Variants in VIPAS39 observed in about 807,000 individuals in gnomAD.
VIPAS39 encodes the protein VPS33B interacting protein, apical-basolateral polarity regulator, spe-39 homolog.
Under a neutral mutation model 84.7 loss-of-function variants are expected in VIPAS39, and 63 were observed. That is an observed-to-expected ratio of 0.74 (90% CI 0.61 to 0.92). The LOEUF is 0.92. Ranked by LOEUF, VIPAS39 falls within the 40% of genes least tolerant of loss-of-function variation. The pLI is 0.00. For synonymous variants in VIPAS39, 192 were observed against 216.5 expected (o/e 0.89, Z 0.99); for missense variants, 499 against 604.5 (o/e 0.83, Z 1.83).
At chr14:77,456,841 G>A (rs1180278989) in intron 1 of VIPAS39, among the ~76,000 whole-genome samples, 7 of 152,188 alleles carry the variant, frequency 4.6e-5, no homozygotes, top group African/African-American at 1.7e-4. Flanking sequence ...TACTTGGCAA[G>A]TATAGATAAT....
intron 11 of VIPAS39, among the ~76,000 whole-genome samples, chr14:77,439,890 A>G (rs2078673437): frequency 6.6e-6 from 1 of 152,192 alleles, no homozygotes; most frequent in South Asian, 2.1e-4. Context: ...GTGTTGTACA[A>G]TAACTAAAAA....
chr14:77,456,715 T>A (rs2078966302), intron 1 of VIPAS39, among the ~76,000 whole-genome samples: 2 of 152,234 alleles, frequency 1.3e-5, no homozygotes, highest in South Asian at 4.1e-4. Context: ...AGACATAGAA[T>A]GTGTCTAACA....
rs548578949 is a variant in VIPAS39, at chr14:77,449,606, G to A, written c.382+108C>T. On this transcript the variant is annotated intron_variant, in intron 5 of 19. Transcript: ENST00000557658. ...TCCTCTAATAATGACAGTAGATGCA[G>A]AAGAAAGTTCATCTTGTCATCTAAT... The A allele has an allele frequency of 4.8e-6, 7 of 1,454,292 alleles. No homozygotes were observed. In the East Asian group the frequency reaches 1.4e-4, roughly 28 times the overall value. 90.1% of individuals were successfully genotyped at this position (1,454,292 alleles called of 1,614,324 possible).
chr14:77,427,509 A>C lies in VIPAS39; in HGVS notation c.*107T>G. ...GAGTAGCTGGCACTGCCCATGGGTAATGGGCCCAAGCGATGTGATGCCGCA... is the reference window on the plus strand; with the variant it reads ...GAGTAGCTGGCACTGCCCATGGGTACTGGGCCCAAGCGATGTGATGCCGCA... On this transcript the variant is annotated 3_prime_UTR_variant, in exon 20 of 20. Coordinates refer to ENST00000557658, the MANE Select transcript of VIPAS39 (RefSeq NM_001193315.2). The C allele has an allele frequency of 1.2e-5, 16 of 1,388,252 alleles. No individual in the cohort carries two copies. Among genetic ancestry groups the C allele is most frequent in the Non-Finnish European group, 1.3e-5 (13 of 977,542 alleles). The allele number at this position is 1,388,252 out of a possible 1,614,324, so 86.0% of individuals were successfully genotyped here. A position where few individuals can be genotyped will look rare whatever the true frequency, so the allele number is the denominator to read the frequency against.
At position 77,454,088 on chromosome 14, in the gene VIPAS39, C is replaced by T. The variant is rs768593671; in HGVS notation, c.15G>A (p.Lys5=). 3.1e-5 allele frequency: 50 copies of T among 1,614,052 alleles called. No individual in the cohort carries two copies. In the Middle Eastern group the frequency reaches 4.9e-4, roughly 16 times the overall value. The change falls in exon 2 of 20, where the codon AAG becomes AAA. Residue 5 remains lysine, a synonymous_variant. Transcript: ENST00000557658. ...TGTTCCAATACTCCTCCTCATCACCCTTTGTCCGATTCATCTACAGTGACA... is the reference window on the plus strand; with the variant it reads ...TGTTCCAATACTCCTCCTCATCACCTTTTGTCCGATTCATCTACAGTGACA... The part of the protein sequence containing the change: MNRT[K]GDEEEYWNSS...
chr14:77,428,266 T>C, intron 19 of VIPAS39, 104 bp downstream of exon 19: 1 of 1,017,342 alleles, frequency 9.8e-7, no homozygotes. Flanking sequence ...CCATGTGGCT[T>C]AGCCAACTGC....
intron 16 of VIPAS39, 77 bp downstream of exon 16, chr14:77,433,765 C>T (rs988772865): frequency 4.1e-6 from 6 of 1,450,412 alleles, no homozygotes; most frequent in Non-Finnish European, 5.7e-6. Context: ...AAAATGTAAA[C>T]CGGTAACTAG....
intron 16 of VIPAS39, among the ~76,000 whole-genome samples, chr14:77,431,834 G>T (rs1356294879): frequency 6.6e-6 from 1 of 152,120 alleles, no homozygotes; most frequent in African/African-American, 2.4e-5. Flanking sequence ...TTCATGAAAT[G>T]TAACTATTAT....
intron 11 of VIPAS39, chr14:77,440,593 T>C (rs28599756): frequency 0.17 from 26,887 of 158,312 alleles, 2,595 homozygotes; most frequent in Middle Eastern, 0.28. Context: ...AAAGAGCATA[T>C]AAAAAGAAAG....
intron 16 of VIPAS39, among the ~76,000 whole-genome samples, chr14:77,432,206 T>C (rs1221652001): frequency 3.3e-5 from 5 of 152,150 alleles, no homozygotes; most frequent in African/African-American, 9.7e-5. Context: ...TAACATCTTA[T>C]CGTATAACTT....
At chr14:77,428,747 T>G (rs2078470943) in intron 18 of VIPAS39, among the ~76,000 whole-genome samples, 1 of 152,188 alleles carries the variant, frequency 6.6e-6, no homozygotes, top group South Asian at 2.1e-4. Flanking sequence ...GAGAGAAGAC[T>G]ACACAGCTTG....
In VIPAS39 at chr14:77,427,629, C is replaced by T. The variant is rs1163364424; in HGVS notation, c.1469G>A (p.Arg490Gln). The change falls in exon 20 of 20, where the codon CGA becomes CAA. Residue 490 changes from arginine (R) to glutamine (Q), a missense_variant. By Grantham distance (43) the Arg-to-Gln change is conservative (BLOSUM62 1). Coordinates refer to ENST00000557658, the MANE Select transcript of VIPAS39 (RefSeq NM_001193315.2). ...IDALLSSSQIRWKN is the reference protein window; with the variant it reads ...IDALLSSSQIQWKN ...AGTCAATGCCACTTAATTCTTCCAT[C>T]GAATTTGCTGTGGAAAGAGGAAACA... 1.5e-5 allele frequency: 24 copies of T among 1,614,000 alleles called. 1 individual carries two copies. The highest frequency in any genetic ancestry group is 1.3e-5 in the African/African-American group (1 of 74,908).
chr14:77,434,926 A>T (rs2078583492), intron 14 of VIPAS39, among the ~76,000 whole-genome samples: 1 of 151,892 alleles, frequency 6.6e-6, no homozygotes, highest in African/African-American at 2.4e-5. Flanking sequence ...AAGTATCCAT[A>T]GCTACTTGCC....
chr14:77,448,700 G>A, intron 6 of VIPAS39, 150 bp from the exon 7 acceptor site: 1 of 875,178 alleles, frequency 1.1e-6, no homozygotes, highest in Non-Finnish European at 1.8e-6. Context: ...AAATGGGACG[G>A]TTTTGTTTTG....
In VIPAS39 at chr14:77,435,243, C is replaced by T. The variant is rs2078589092; in HGVS notation, c.1047+16G>A. On this transcript the variant is annotated intron_variant, in intron 14 of 19. Coordinates refer to ENST00000557658, the MANE Select transcript of VIPAS39 (RefSeq NM_001193315.2). ...TGCAATGAGAGTTTGTGGAATCTTC[C>T]ATATTTTGCCTGTACCTCAGCCTCT... 6.2e-7 allele frequency: 1 copy of T among 1,613,812 alleles called. No homozygotes were observed. The highest frequency in any genetic ancestry group is 8.5e-7 in the Non-Finnish European group (1 of 1,179,982).
At chr14:77,438,576 C>A (rs987678684) in intron 11 of VIPAS39, among the ~76,000 whole-genome samples, 2 of 152,210 alleles carry the variant, frequency 1.3e-5, no homozygotes, top group African/African-American at 4.8e-5. Context: ...TTGGCCAGTG[C>A]TGACCTATAA....
intron 7 of VIPAS39, among the ~76,000 whole-genome samples, chr14:77,447,958 G>A (rs1001350003): frequency 2.7e-5 from 4 of 148,022 alleles, no homozygotes; most frequent in Non-Finnish European, 4.4e-5. Flanking sequence ...CACCATGCCC[G>A]GCTTCTCTTT....
At chr14:77,452,332 T>C (rs2078894892) in intron 3 of VIPAS39, among the ~76,000 whole-genome samples, 1 of 151,792 alleles carries the variant, frequency 6.6e-6, no homozygotes, top group East Asian at 1.9e-4. Flanking sequence ...GCAACGATTG[T>C]TTTTTGGGAG....
Position 77,453,302 on chromosome 14 carries a change from C to G in VIPAS39, c.193G>C (p.Gly65Arg), listed in dbSNP as rs1465196978. ...ERVSWSGEPV[G>R]SISWSIRETA... Reference sequence around the variant, plus strand: ...GCCTAGGGACTCTTCTACTTACTTCCCACAGGTTCCCCACTCCAGCTGACT... The same window carrying G: ...GCCTAGGGACTCTTCTACTTACTTCGCACAGGTTCCCCACTCCAGCTGACT... The change falls in exon 3 of 20, where the codon GGA becomes CGA. Residue 65 changes from glycine (G) to arginine (R), a missense_variant. By Grantham distance (125) the Gly-to-Arg change is moderately radical. Transcript: ENST00000557658. The G allele has an allele frequency of 1.2e-6, 2 of 1,614,072 alleles. No individual in the cohort carries two copies. Among genetic ancestry groups the G allele is most frequent in the Non-Finnish European group, 8.5e-7 (1 of 1,179,974 alleles).
Sources: allele counts gnomAD v4.1 joint callset (sites outside exome capture counted in the v4.1 genomes callset), GRCh38; gene constraint gnomAD v4.1.1; transcripts MANE v1.5; gene names NCBI Gene and HGNC (gene_info 2026-07-23, HGNC 2026-07-21).